The following QPCT variants were observed in gnomAD, a reference collection of about 807,000 sequenced individuals.
QPCT encodes the protein glutaminyl-peptide cyclotransferase.
Under a neutral mutation model 43.4 loss-of-function variants are expected in QPCT, and 44 were observed. The ratio of observed to expected loss-of-function variants is 1.01; its 90% CI spans 0.80 to 1.30. The LOEUF is 1.30. Ranked by LOEUF, QPCT falls within the 50% of genes most tolerant of loss-of-function variation. The pLI is 0.00. For synonymous variants in QPCT, 168 were observed against 168.4 expected (o/e 1.00, Z 0.02); for missense variants, 526 against 436.5 (o/e 1.21, Z -1.83).
intron 2 of QPCT, among the ~76,000 whole-genome samples, chr2:37,358,415 T>G (rs1183859323): frequency 6.7e-6 from 1 of 148,980 alleles, no homozygotes; most frequent in Non-Finnish European, 1.5e-5. Context: ...TCAGCCTGGG[T>G]GACTGAGTGA....
At chr2:37,357,258 A>T (rs1672770943) in intron 2 of QPCT, among the ~76,000 whole-genome samples, 1 of 150,824 alleles carries the variant, frequency 6.6e-6, no homozygotes, top group Non-Finnish European at 1.5e-5. Context: ...TATCATCTGG[A>T]TACCAGATGT....
chr2:37,351,674 G>A (rs1001571405), intron 1 of QPCT, among the ~76,000 whole-genome samples: 1 of 152,072 alleles, frequency 6.6e-6, no homozygotes, highest in Non-Finnish European at 1.5e-5. Context: ...CTGAGGTTGG[G>A]AGTTTGAGAC....
intron 4 of QPCT, chr2:37,368,315 T>TTC: frequency 9.3e-6 from 1 of 107,286 alleles, no homozygotes; most frequent in Non-Finnish European, 1.9e-5. Context: ...CCCTAATCCC[T>TTC]CCCCCGACCC....
chr2:37,360,126 A>C (rs1672832405), intron 3 of QPCT: 1 of 426,904 alleles, frequency 2.3e-6, no homozygotes. Context: ...TTTCTTTGTG[A>C]AAAATGAAGG....
rs543846151 is a variant in QPCT at position 37,370,176 on chromosome 2, C to G, written c.823+392C>G. 3.3e-5 allele frequency among the ~76,000 whole-genome samples: 5 copies of G among 151,544 alleles called. No homozygotes were observed. In the South Asian group the frequency reaches 1.0e-3, roughly 32 times the overall value. On this transcript the variant is annotated intron_variant, in intron 5 of 6. Coordinates refer to ENST00000338415, the MANE Select transcript of QPCT (RefSeq NM_012413.4). ...CTCCAGCCTGGGTGACAGGGTGAGG[C>G]GCCATCTCAAAAAAGAAAAAAAAAT...
chr2:37,369,856 A>C, intron 5 of QPCT, 72 bp downstream of exon 5: 5 of 1,404,868 alleles, frequency 3.6e-6, no homozygotes, highest in Non-Finnish European at 5.0e-6. Flanking sequence ...TTTAACATTT[A>C]AAATTTATAA....
At chr2:37,367,798 G>A (rs1258476388) in intron 4 of QPCT, among the ~76,000 whole-genome samples, 2 of 152,176 alleles carry the variant, frequency 1.3e-5, no homozygotes, top group African/African-American at 2.4e-5. Flanking sequence ...GAGCCCAGGA[G>A]TTCGAGGCTG....
chr2:37,359,032 C>T (rs1385255625), intron 2 of QPCT: 2 of 153,632 alleles, frequency 1.3e-5, no homozygotes, highest in East Asian at 1.9e-4. Flanking sequence ...CTGTAGGTTG[C>T]TGGTTTACTT....
At chr2:37,358,347 G>T (rs556785058) in intron 2 of QPCT, among the ~76,000 whole-genome samples, 88 of 152,302 alleles carry the variant, frequency 5.8e-4, no homozygotes, top group African/African-American at 2.0e-3. Flanking sequence ...TGAGGCAGGA[G>T]AATTGCTTGA....
chr2:37,347,231 CATAT>C lies in QPCT; in HGVS notation c.120+2392_120+2395del, dbSNP rs74216920. Among the ~76,000 whole-genome samples, 55 of 55,596 alleles carry C rather than the reference CATAT, an allele frequency of 9.9e-4. 2 individuals carry two copies. The highest frequency in any genetic ancestry group is 3.5e-3 in the South Asian group (6 of 1,722). The allele number at this position is 55,596 out of a possible 152,430, so 36.5% of individuals were successfully genotyped here. A position where few individuals can be genotyped will look rare whatever the true frequency, so the allele number is the denominator to read the frequency against. On this transcript the variant is annotated intron_variant, in intron 1 of 6. Transcript: ENST00000338415. The stretch of plus-strand genomic sequence containing the variant: ...ACATATATATAACATATATATATAA[CATAT>C]ATATATATATAACATATATATATAT...
intron 3 of QPCT, among the ~76,000 whole-genome samples, chr2:37,366,959 G>A (rs933897714): frequency 1.3e-5 from 2 of 152,154 alleles, no homozygotes; most frequent in African/African-American, 4.8e-5. Flanking sequence ...CACTTTCATT[G>A]TTTCAAAATT....
rs927013433 is a variant in QPCT, at chr2:37,344,741, G to T, written c.10G>T (p.Gly4Ter). The change falls in exon 1 of 7, where the codon GGA becomes TGA. Residue 4 changes from glycine (G) to a stop codon, truncating the protein, a stop_gained. Transcript: ENST00000338415. LOFTEE classifies it high-confidence loss of function. Reference sequence around the variant, plus strand: ...AGACAGACTCGGAGAGATGGCAGGCGGAAGACACCGGCGCGTCGTGGGCAC... The same window carrying T: ...AGACAGACTCGGAGAGATGGCAGGCTGAAGACACCGGCGCGTCGTGGGCAC... The part of the protein sequence containing the change: MAG[G>*]RHRRVVGTLH... The T allele has an allele frequency of 1.9e-6, 3 of 1,603,124 alleles. No homozygotes were observed. In the African/African-American group the frequency reaches 4.0e-5, roughly 22 times the overall value.
At position 37,361,140 on chromosome 2, in the gene QPCT, G is replaced by A. The variant is rs182076703; in HGVS notation, c.546+1282G>A. ...ATCCTTTCTGTTAGAGATAAATGGTGAGGTGGGGGATTTTTTTTAAGAGGC... is the reference window on the plus strand; with the variant it reads ...ATCCTTTCTGTTAGAGATAAATGGTAAGGTGGGGGATTTTTTTTAAGAGGC... On this transcript the variant is annotated intron_variant, in intron 3 of 6. Coordinates refer to ENST00000338415, the MANE Select transcript of QPCT (RefSeq NM_012413.4). Among the ~76,000 whole-genome samples the A allele has an allele frequency of 1.6e-3, 240 of 152,308 alleles. 1 individual carries two copies. The highest frequency in any genetic ancestry group is 2.3e-3 in the Non-Finnish European group (159 of 68,022).
chr2:37,357,842 T>C (rs1254459766), intron 2 of QPCT, among the ~76,000 whole-genome samples: 2 of 151,976 alleles, frequency 1.3e-5, no homozygotes, highest in Admixed American at 6.6e-5. Flanking sequence ...ACAGGCCACA[T>C]GGGACTTGGC....
chr2:37,351,468 G>C, intron 1 of QPCT, among the ~76,000 whole-genome samples: 1 of 152,294 alleles, frequency 6.6e-6, no homozygotes, highest in African/African-American at 2.4e-5. Context: ...GAACTTTAAT[G>C]CAATTTAAAA....
chr2:37,367,833 C>T (rs1293169304), intron 4 of QPCT, among the ~76,000 whole-genome samples: 1 of 152,106 alleles, frequency 6.6e-6, no homozygotes, highest in African/African-American at 2.4e-5. Flanking sequence ...TGCTCCATTG[C>T]ACTCCAGCCT....
At chr2:37,354,301 C>T (rs1044775745) in intron 2 of QPCT, among the ~76,000 whole-genome samples, 1 of 152,152 alleles carries the variant, frequency 6.6e-6, no homozygotes, top group Non-Finnish European at 1.5e-5. Context: ...CGGTAGACAC[C>T]CTGCAGGCAC....
At chr2:37,366,738 A>C (rs1006091347) in intron 3 of QPCT, among the ~76,000 whole-genome samples, 2 of 152,244 alleles carry the variant, frequency 1.3e-5, no homozygotes, top group Non-Finnish European at 2.9e-5. Context: ...TGCAGGTTCA[A>C]CAACGGCCTC....
At chr2:37,347,544 C>T (rs564006263) in intron 1 of QPCT, among the ~76,000 whole-genome samples, 1 of 151,982 alleles carries the variant, frequency 6.6e-6, no homozygotes, top group East Asian at 1.9e-4. Context: ...CAGGGTGGAC[C>T]CTAAATGGCA....
Sources: gnomAD v4.1 joint callset for allele counts (sites outside exome capture counted in the v4.1 genomes callset) on GRCh38, gnomAD v4.1.1 for gene constraint, MANE v1.5 for transcripts, NCBI Gene and HGNC (gene_info 2026-07-23, HGNC 2026-07-21) for gene names.